The following SEMA5A variants were observed in gnomAD, a reference collection of about 807,000 sequenced individuals.
The protein encoded by SEMA5A is semaphorin-5A.
A neutral mutation model predicts 135.5 loss-of-function variants in SEMA5A; 55 were observed. That is an observed-to-expected ratio of 0.41 (90% CI 0.33 to 0.51). The LOEUF is 0.51. SEMA5A is among the 20% of genes least tolerant of loss of function. The pLI, the probability that SEMA5A is intolerant of heterozygous loss-of-function variation, is 0.37. For missense variants in SEMA5A, 1,290 were observed against 1,419.9 expected (o/e 0.91, Z 1.47); for synonymous variants, 580 against 546.5 (o/e 1.06, Z -0.85).
intron 5 of SEMA5A, among the ~76,000 whole-genome samples, chr5:9,241,565 CAAAA>C (rs3061561): frequency 2.7e-5 from 3 of 111,858 alleles, no homozygotes; most frequent in Admixed American, 9.0e-5. Context: ...AAGAGAGCTA[CAAAA>C]AAAAAAAAAA....
chr5:9,162,562 G>GTATATATATATATA (rs1267036137), intron 11 of SEMA5A, among the ~76,000 whole-genome samples: 5 of 63,238 alleles, frequency 7.9e-5, no homozygotes, highest in African/African-American at 1.7e-4. Flanking sequence ...GTGTGTGTGT[G>GTATATATATATATA]TGTATATATA....
intron 11 of SEMA5A, among the ~76,000 whole-genome samples, chr5:9,188,307 C>T (rs540410249): frequency 3.4e-4 from 52 of 152,256 alleles, no homozygotes; most frequent in African/African-American, 1.0e-3. Flanking sequence ...AATAAATTTC[C>T]GTTGTTTAAG....
chr5:9,498,243 C>G (rs1735401316), intron 1 of SEMA5A, among the ~76,000 whole-genome samples: 1 of 152,116 alleles, frequency 6.6e-6, no homozygotes, highest in African/African-American at 2.4e-5. Context: ...GGCACTACTC[C>G]TCTGTCATAA....
At chr5:9,302,209 T>A (rs1297076139) in intron 5 of SEMA5A, among the ~76,000 whole-genome samples, 4 of 152,200 alleles carry the variant, frequency 2.6e-5, no homozygotes, top group Non-Finnish European at 4.4e-5. Flanking sequence ...TATAATCACA[T>A]CTTTGCCATG....
intron 1 of SEMA5A, among the ~76,000 whole-genome samples, chr5:9,501,630 GCTGGAATCCGGGCT>G (rs1448958729): frequency 5.9e-5 from 9 of 152,120 alleles, no homozygotes; most frequent in African/African-American, 1.9e-4. Context: ...CCCTCCTCCT[GCTGGAATCCGGGCT>G]CTGGGCTGCA....
chr5:9,163,287 A>G (rs922863139), intron 11 of SEMA5A, among the ~76,000 whole-genome samples: 1 of 152,126 alleles, frequency 6.6e-6, no homozygotes, highest in Non-Finnish European at 1.5e-5. Context: ...AATTTAGATG[A>G]CAAAGGATTT....
intron 12 of SEMA5A, among the ~76,000 whole-genome samples, chr5:9,143,944 C>G (rs890500328): frequency 2.4e-4 from 37 of 152,166 alleles, no homozygotes; most frequent in Non-Finnish European, 7.3e-5. Flanking sequence ...ACCAGGGGAC[C>G]AAAACCAGGA....
chr5:9,058,591 T>C (rs950427215), intron 18 of SEMA5A, among the ~76,000 whole-genome samples: 13 of 152,244 alleles, frequency 8.5e-5, no homozygotes, highest in African/African-American at 2.9e-4. Flanking sequence ...ATTCTTGTTG[T>C]AGAGATTCTA....
chr5:9,305,651 A>T (rs1374654653), intron 5 of SEMA5A, among the ~76,000 whole-genome samples: 1 of 151,482 alleles, frequency 6.6e-6, no homozygotes, highest in Non-Finnish European at 1.5e-5. Context: ...AGAAACACCA[A>T]CACCGGGGAG....
At chr5:9,491,433 C>T (rs936496658) in intron 1 of SEMA5A, among the ~76,000 whole-genome samples, 2 of 152,098 alleles carry the variant, frequency 1.3e-5, no homozygotes, top group Admixed American at 6.6e-5. Context: ...TGATCGATTG[C>T]CCCACCCCCA....
intron 2 of SEMA5A, among the ~76,000 whole-genome samples, chr5:9,432,304 T>C (rs150769162): frequency 1.3e-5 from 2 of 152,260 alleles, no homozygotes; most frequent in Admixed American, 1.3e-4. Flanking sequence ...TAAACCTTTA[T>C]CCCAAATTAC....
At chr5:9,073,847 G>C (rs1737902402) in intron 16 of SEMA5A, among the ~76,000 whole-genome samples, 1 of 151,948 alleles carries the variant, frequency 6.6e-6, no homozygotes, top group South Asian at 2.1e-4. Context: ...AATTTTAAAA[G>C]AACACTACTT....
chr5:9,066,589 T>A lies in SEMA5A; in HGVS notation c.2131A>T (p.Thr711Ser). 6.2e-7 allele frequency: 1 copy of A among 1,614,174 alleles called. No individual in the cohort carries two copies. The highest frequency in any genetic ancestry group is 1.6e-4 in the Middle Eastern group (1 of 6,062). Residue 711 changes from threonine to serine, a missense_variant, in exon 17 of 23, where the codon ACA becomes TCA. By Grantham distance (58) the Thr-to-Ser change is moderately conservative (BLOSUM62 1). Coordinates refer to ENST00000382496, the MANE Select transcript of SEMA5A (RefSeq NM_003966.3). ...GAGATGTTGACAGGTGTCCAGGGTG[T>A]CCAGGGCGTGGTCTTCTTCAGCTCA... ...CPELKKTTPW[T>S]PWTPVNISDN...
At position 9,353,189 on chromosome 5, in the gene SEMA5A, G is replaced by GGAAA. The variant is rs1754250406; in HGVS notation, c.125-15378_125-15377insTTTC. 4.5e-3 allele frequency among the ~76,000 whole-genome samples: 75 copies of GGAAA among 16,722 alleles called. 13 individuals carry two copies. Among genetic ancestry groups the GGAAA allele is most frequent in the African/African-American group, 0.017 (70 of 4,066 alleles). The allele number at this position is 16,722 out of a possible 152,430, so 11.0% of individuals were successfully genotyped here. A position where few individuals can be genotyped will look rare whatever the true frequency, so the allele number is the denominator to read the frequency against. ...GGGAAAGGAAGGGAAAGGAAGGGAAGGGAAAGGAAAGGAAAGGAAAGGAAA... is the reference window on the plus strand; with the variant it reads ...GGGAAAGGAAGGGAAAGGAAGGGAAGGAAAGGAAAGGAAAGGAAAGGAAAGGAAA... On this transcript the variant is annotated intron_variant, in intron 3 of 22. Coordinates refer to ENST00000382496, the MANE Select transcript of SEMA5A (RefSeq NM_003966.3).
chr5:9,444,468 A>C (rs1280127879), intron 1 of SEMA5A, among the ~76,000 whole-genome samples: 8 of 152,322 alleles, frequency 5.3e-5, no homozygotes, highest in Non-Finnish European at 1.2e-4. Context: ...GCATTACTCC[A>C]CTTAGAATAA....
chr5:9,286,926 C>G (rs1266657200), intron 5 of SEMA5A, among the ~76,000 whole-genome samples: 1 of 152,240 alleles, frequency 6.6e-6, no homozygotes, highest in Admixed American at 6.5e-5. Context: ...TGGCTTTGGA[C>G]TCTTCAATCT....
At chr5:9,045,119 A>ATGAT (rs1215276510) in intron 21 of SEMA5A, among the ~76,000 whole-genome samples, 3 of 152,174 alleles carry the variant, frequency 2.0e-5, no homozygotes, top group African/African-American at 7.2e-5. Context: ...TCTCTTATGA[A>ATGAT]TGATAGTCTT....
intron 9 of SEMA5A, among the ~76,000 whole-genome samples, chr5:9,200,018 C>T (rs1176824824): frequency 6.6e-6 from 1 of 152,194 alleles, no homozygotes; most frequent in Non-Finnish European, 1.5e-5. Context: ...GGACAGCTTT[C>T]TGATTCATAA....
At chr5:9,207,184 T>C (rs1746080096) in intron 8 of SEMA5A, among the ~76,000 whole-genome samples, 1 of 145,258 alleles carries the variant, frequency 6.9e-6, no homozygotes, top group Non-Finnish European at 1.5e-5. Context: ...TCATACTGAG[T>C]TTTGTTTGTT....
Sources: gnomAD v4.1 joint callset for allele counts (sites outside exome capture counted in the v4.1 genomes callset) on GRCh38, gnomAD v4.1.1 for gene constraint, MANE v1.5 for transcripts, NCBI Gene and HGNC (gene_info 2026-07-23, HGNC 2026-07-21) for gene names.